The following MICAL2 variants were observed in gnomAD, a reference collection of about 807,000 sequenced individuals.
The protein encoded by MICAL2 is microtubule associated monooxygenase, calponin and LIM domain containing 2.
MICAL2 carries 77 observed loss-of-function variants against 127.3 expected under a neutral mutation model. The ratio of observed to expected loss-of-function variants is 0.60; its 90% CI spans 0.50 to 0.73. MICAL2 has a LOEUF of 0.73. Ranked by LOEUF, MICAL2 falls within the 30% of genes least tolerant of loss-of-function variation. The pLI, the probability that MICAL2 is intolerant of heterozygous loss-of-function variation, is 0.00. For missense variants in MICAL2, 1,351 were observed against 1,434.4 expected (o/e 0.94, Z 0.94); for synonymous variants, 570 against 551.1 (o/e 1.03, Z -0.48).
intron 1 of MICAL2, among the ~76,000 whole-genome samples, chr11:12,111,155 C>T (rs1238181474): frequency 2.6e-5 from 4 of 152,348 alleles, no homozygotes; most frequent in Middle Eastern, 3.4e-3. Flanking sequence ...CGTTCCAGCT[C>T]TTCACTGGGC....
intron 32 of MICAL2, among the ~76,000 whole-genome samples, chr11:12,334,950 T>A (rs1265113453): frequency 6.6e-6 from 1 of 152,114 alleles, no homozygotes; most frequent in Non-Finnish European, 1.5e-5. Flanking sequence ...TGACTTATAA[T>A]CCTTTGGGTA....
chr11:12,313,961 A>ATTTTTTTTTTTTTTTTT (rs60681621), intron 29 of MICAL2, among the ~76,000 whole-genome samples: 4 of 43,780 alleles, frequency 9.1e-5, no homozygotes, highest in Admixed American at 5.2e-4. Context: ...TCTTGGTCTG[A>ATTTTTTTTTTTTTTTTT]TTTTTTTTTT....
At chr11:12,210,253 G>A (rs912359748) in intron 6 of MICAL2, among the ~76,000 whole-genome samples, 3 of 152,086 alleles carry the variant, frequency 2.0e-5, no homozygotes, top group Non-Finnish European at 2.9e-5. Context: ...AAATGCTTCC[G>A]TCCCCTCCAC....
At chr11:12,149,745 C>G (rs901265339) in intron 2 of MICAL2, among the ~76,000 whole-genome samples, 1 of 152,138 alleles carries the variant, frequency 6.6e-6, no homozygotes, top group Non-Finnish European at 1.5e-5. Context: ...CACGTGAGGT[C>G]TCTATAAGAT....
chr11:12,170,940 AC>A (rs1856176567), intron 3 of MICAL2, among the ~76,000 whole-genome samples: 2 of 152,110 alleles, frequency 1.3e-5, no homozygotes, highest in African/African-American at 4.8e-5. Flanking sequence ...AGAGGAGCGA[AC>A]TCTGTGGCTC....
At chr11:12,359,911 A>G (rs1161429256), downstream of MICAL2, among the ~76,000 whole-genome samples, 2 of 152,296 alleles carry the variant, frequency 1.3e-5, no homozygotes, top group East Asian at 1.9e-4. Flanking sequence ...AATTTCTCTC[A>G]AATCAATCCA....
At chr11:12,328,572 A>G (rs1227912802) in intron 32 of MICAL2, among the ~76,000 whole-genome samples, 1 of 151,964 alleles carries the variant, frequency 6.6e-6, no homozygotes, top group African/African-American at 2.4e-5. Flanking sequence ...AGAAACCTAC[A>G]TTTTCGGAAA....
At chr11:12,145,334 G>A (rs937536064) in intron 2 of MICAL2, among the ~76,000 whole-genome samples, 17 of 152,148 alleles carry the variant, frequency 1.1e-4, no homozygotes, top group South Asian at 6.2e-4. Context: ...CCCGATAAAG[G>A]CATCTTCTAG....
At chr11:12,242,167 G>T (rs77070968) in intron 18 of MICAL2, 47 bp from the exon 19 acceptor site, 85,352 of 1,495,716 alleles carry the variant, frequency 0.057, 4,681 homozygotes, top group East Asian at 0.32. Flanking sequence ...GAGGGTGTAT[G>T]AAAGGGCCGC....
At position 12,242,677 on chromosome 11, in the gene MICAL2, G is replaced by A. The variant is rs780768530; in HGVS notation, c.2563G>A (p.Ala855Thr). 13 of 1,612,420 alleles carry A rather than the reference G, an allele frequency of 8.1e-6. No individual in the cohort carries two copies. The Middle Eastern group carries it at 8.2e-4, about 102-fold the overall frequency. The stretch of plus-strand genomic sequence containing the variant: ...TTTCTCACCTTCACTGCAGAAGAGG[G>A]CTCAGAACTTGGCCAACAGGGAATT... ...QVEEKILQKR[A>T]QNLANREFHT... is the part of the protein sequence containing the mutation. The change falls in exon 20 of 28, where the codon GCT becomes ACT. Residue 855 changes from alanine to threonine, a missense_variant. Physicochemically the swap from Ala to Thr is moderately conservative, Grantham distance 58 (BLOSUM62 0). This residue lies in a region of MICAL2 where 752 missense variants were observed against 719.4 expected (regional missense o/e 1.05). Coordinates refer to ENST00000683283, the MANE Select transcript of MICAL2 (RefSeq NM_001282663.2).
At chr11:12,295,406 T>C (rs889466560), downstream of MICAL2, among the ~76,000 whole-genome samples, 2 of 150,488 alleles carry the variant, frequency 1.3e-5, no homozygotes, top group Non-Finnish European at 3.0e-5. Flanking sequence ...TCCCAAAGTG[T>C]TGGGATTACA....
intron 32 of MICAL2, among the ~76,000 whole-genome samples, chr11:12,328,013 C>G (rs1864374284): frequency 1.3e-5 from 2 of 152,106 alleles, no homozygotes; most frequent in African/African-American, 2.4e-5. Flanking sequence ...TGGTGGTTTT[C>G]TCCTTTATAG....
intron 27 of MICAL2, chr11:12,262,763 A>G (rs1863303344): frequency 3.8e-6 from 2 of 519,882 alleles, no homozygotes; most frequent in East Asian, 3.2e-5. Context: ...GTCTACCCCA[A>G]GTGCATGCCC....
At chr11:12,251,781 T>A (rs3812744) in intron 22 of MICAL2, among the ~76,000 whole-genome samples, 1 of 151,304 alleles carries the variant, frequency 6.6e-6, no homozygotes, top group Non-Finnish European at 1.5e-5. Flanking sequence ...CAGTTTTGGC[T>A]GCACCTCCCA....
chr11:12,191,304 A>T (rs950084087), intron 3 of MICAL2, among the ~76,000 whole-genome samples: 26 of 141,764 alleles, frequency 1.8e-4, no homozygotes, highest in African/African-American at 6.6e-4. Context: ...ATCTCTATTT[A>T]AAAAAAAAAA....
intron 2 of MICAL2, among the ~76,000 whole-genome samples, chr11:12,143,133 A>G (rs910133299): frequency 1.3e-5 from 2 of 152,186 alleles, no homozygotes; most frequent in African/African-American, 4.8e-5. Flanking sequence ...AGACTGCATT[A>G]CCAAGGAGGG....
intron 22 of MICAL2, chr11:12,254,078 T>A (rs1861963310): frequency 6.6e-6 from 1 of 152,098 alleles, no homozygotes; most frequent in Admixed American, 6.5e-5. Flanking sequence ...ACCCAGGAAA[T>A]CCCAGGGGCT....
chr11:12,127,301 G>A lies in MICAL2; in HGVS notation c.-148-11089G>A, dbSNP rs150328443. ...CATTTTCTTCTTAGGCATTTTACAT[G>A]TCTGCTCATTCATTCATTCAGCAGG... On this transcript the variant is annotated intron_variant, in intron 1 of 27. Transcript: ENST00000683283. Among the ~76,000 whole-genome samples, 186 of 152,276 alleles carry A rather than the reference G, an allele frequency of 1.2e-3. 3 individuals are homozygous for A. The highest frequency in any genetic ancestry group is 4.0e-4 in the Non-Finnish European group (27 of 68,024).
intron 3 of MICAL2, among the ~76,000 whole-genome samples, chr11:12,172,830 A>G (rs1856432562): frequency 6.6e-6 from 1 of 151,944 alleles, no homozygotes; most frequent in African/African-American, 2.4e-5. Flanking sequence ...GCCCCGCCCC[A>G]TCCTCCCAGT....
Sources: allele counts gnomAD v4.1 joint callset (sites outside exome capture counted in the v4.1 genomes callset), GRCh38; gene constraint gnomAD v4.1.1; regional missense constraint gnomAD v4.1.1; transcripts MANE v1.5; gene names NCBI Gene and HGNC (gene_info 2026-07-23, HGNC 2026-07-21).